Variants in MYH14 observed in about 807,000 individuals in gnomAD.
The protein encoded by MYH14 is myosin-14.
Under a neutral mutation model 255.5 loss-of-function variants are expected in MYH14, and 123 were observed. The observed-to-expected ratio is 0.48, with a 90% CI of 0.42 to 0.56. MYH14 has a LOEUF of 0.56. MYH14 is among the 20% of genes least tolerant of loss of function. MYH14 has a pLI of 0.00. For synonymous variants in MYH14, 1,095 were observed against 1,161.2 expected, an observed-to-expected ratio of 0.94 and a Z score of 1.16; for missense variants, 2,423 against 2,802.3, an observed-to-expected ratio of 0.86 and a Z score of 3.06.
At chr19:50,248,059 C>CAA (rs10588130) in intron 12 of MYH14, among the ~76,000 whole-genome samples, 5 of 106,798 alleles carry the variant, frequency 4.7e-5, no homozygotes, top group African/African-American at 1.8e-4. Context: ...GACTCTGTCT[C>CAA]AAAAAAAAAA....
intron 19 of MYH14, 88 bp from the exon 20 acceptor site, chr19:50,260,558 A>T: frequency 1.2e-6 from 1 of 841,114 alleles, no homozygotes; most frequent in Non-Finnish European, 2.0e-6. Context: ...GCTGTGTGTC[A>T]CTCTGAGCCC....
At chr19:50,224,032 T>TGGG in intron 5 of MYH14, 122 bp from the exon 6 acceptor site, 7 of 610,296 alleles carry the variant, frequency 1.1e-5, no homozygotes, top group East Asian at 3.3e-5. Flanking sequence ...ATGCCCGGTT[T>TGGG]CCCCAGTCCC....
rs1405559062 is a variant in MYH14, at chr19:50,228,753, T to G, written c.875-1772T>G. ...TTTGCCTTCTCTGTCCGCTTCCACCTGCTCACTTTCTCCTGTCCACGCTCC... is the reference window on the plus strand; with the variant it reads ...TTTGCCTTCTCTGTCCGCTTCCACCGGCTCACTTTCTCCTGTCCACGCTCC... On this transcript the variant is annotated intron_variant, in intron 8 of 42. Coordinates refer to ENST00000642316, the MANE Select transcript of MYH14 (RefSeq NM_001145809.2). Among the ~76,000 whole-genome samples the G allele has an allele frequency of 2.0e-5, 3 of 152,344 alleles. No homozygotes were observed. The East Asian group carries it at 5.8e-4, about 29-fold the overall frequency.
At position 50,221,841 on chromosome 19, in the gene MYH14, CCTTT is replaced by C. The variant is rs1478502265; in HGVS notation, c.563-1239_563-1236del. On this transcript the variant is annotated intron_variant, in intron 3 of 42. Transcript: ENST00000642316. This position sits in a 1 kb window ranked among gnomAD's most constrained non-coding sequence, Gnocchi z 5.3. Reference sequence around the variant, plus strand: ...CTGCCCTATCCCCCAACCTCACTGGCCTTTCTGTCTCTCAAACATTTCTAACTCA... The same window carrying C: ...CTGCCCTATCCCCCAACCTCACTGGCCTGTCTCTCAAACATTTCTAACTCA... 3.9e-5 allele frequency among the ~76,000 whole-genome samples: 6 copies of C among 152,148 alleles called. No homozygotes were observed. The highest frequency in any genetic ancestry group is 1.2e-4 in the African/African-American group (5 of 41,440).
At chr19:50,295,913 C>G (rs1228004431) in intron 39 of MYH14, among the ~76,000 whole-genome samples, 1 of 151,896 alleles carries the variant, frequency 6.6e-6, no homozygotes, top group Non-Finnish European at 1.5e-5. Flanking sequence ...GAGTTCAAGA[C>G]CAGCCTGGCC....
intron 10 of MYH14, among the ~76,000 whole-genome samples, chr19:50,235,343 G>A (rs1346300543): frequency 2.7e-5 from 4 of 149,900 alleles, no homozygotes; most frequent in Non-Finnish European, 4.4e-5. Context: ...GGAGCAGAGC[G>A]AGACTCCATC....
rs1422725013 is a variant in MYH14 at position 50,293,240 on chromosome 19, C to T, written c.5264C>T (p.Ala1755Val). 2 of 1,604,076 alleles carry T rather than the reference C, an allele frequency of 1.2e-6. No homozygotes were observed. Among genetic ancestry groups the T allele is most frequent in the East Asian group, 2.2e-5 (1 of 44,456 alleles). Residue 1755 changes from alanine (A) to valine (V), a missense_variant, in exon 38 of 43, where the codon GCC (alanine) becomes GTC (valine). Transcript: ENST00000642316. The surrounding 1 kb of genome is among the most constrained non-coding windows in gnomAD (Gnocchi z 4.1). ...ACCCCTCCATCATCACAGGAACTGGCCGCCTCGGACCGTGCTCGGCGGCAG... is the reference window on the plus strand; with the variant it reads ...ACCCCTCCATCATCACAGGAACTGGTCGCCTCGGACCGTGCTCGGCGGCAG... ...AEVLRLQEELAASDRARRQAQ... is the reference protein window; with the variant it reads ...AEVLRLQEELVASDRARRQAQ...
chr19:50,216,680 G>A lies in MYH14; in HGVS notation c.406-935G>A, dbSNP rs533158217. On this transcript the variant is annotated intron_variant, in intron 2 of 42. Transcript: ENST00000642316. ...TATGTGTCTATTATCAGTAGAAACC[G>A]CAGGTATGTTCCTGTTGCATTTCGG... 1.2e-4 allele frequency among the ~76,000 whole-genome samples: 18 copies of A among 151,774 alleles called. No homozygotes were observed. In the South Asian group the frequency reaches 3.6e-3, roughly 30 times the overall value.
rs1178174786 is a variant in MYH14, at chr19:50,309,188, C to T, written c.5960+11C>T. 1.2e-6 allele frequency: 2 copies of T among 1,613,260 alleles called. No individual in the cohort carries two copies. Among genetic ancestry groups the T allele is most frequent in the South Asian group, 1.1e-5 (1 of 91,076 alleles). Reference sequence around the variant, plus strand: ...GAGGAACCGGCTTCGGTATGGTCATCCCACGTACAGGCCTGACGGGTGGGG... The same window carrying T: ...GAGGAACCGGCTTCGGTATGGTCATTCCACGTACAGGCCTGACGGGTGGGG... On this transcript the variant is annotated intron_variant, in intron 42 of 42. Coordinates refer to ENST00000642316, the MANE Select transcript of MYH14 (RefSeq NM_001145809.2).
At position 50,286,488 on chromosome 19, in the gene MYH14, G is replaced by A; in HGVS notation, c.4546G>A (p.Ala1516Thr). Residue 1516 changes from alanine to threonine, a missense_variant, in exon 34 of 43, where the codon GCA (alanine) becomes ACA (threonine). By Grantham distance (58) the Ala-to-Thr change is moderately conservative. Around this residue, in one of 3 missense-constraint regions of MYH14, gnomAD observed 1,513 missense variants for 1,674.8 expected, o/e 0.90. Transcript: ENST00000642316. ...ATCTCCCTCAAACTGGAAGCTTCTG[G>A]CAGAGGAGAAGGCAGCTGTACTTCG... is the stretch of plus-strand genomic sequence containing the variant. ...KKQRKFDQLLAEEKAAVLRAV... is the reference protein window; with the variant it reads ...KKQRKFDQLLTEEKAAVLRAV... 1 of 1,611,906 alleles carries A rather than the reference G, an allele frequency of 6.2e-7. No individual in the cohort carries two copies. Among genetic ancestry groups the A allele is most frequent in the East Asian group, 2.2e-5 (1 of 44,830 alleles).
At chr19:50,249,485 GTCTCTGGGTCTCTGTCCCCCTC>G (rs376251213) in intron 13 of MYH14, 143 bp from the exon 14 acceptor site, 14 of 713,916 alleles carry the variant, frequency 2.0e-5, no homozygotes, top group African/African-American at 4.4e-5. Context: ...TCTGTCCCCT[GTCTCTGGGTCTCTGTCCCCCTC>G]TCTCTGGGTC....
In MYH14 at chr19:50,218,357, G is replaced by A. The variant is rs540119101; in HGVS notation, c.562+586G>A. 9.9e-5 allele frequency among the ~76,000 whole-genome samples: 15 copies of A among 152,172 alleles called. No individual in the cohort carries two copies. In the South Asian group the frequency reaches 2.9e-3, roughly 30 times the overall value. On this transcript the variant is annotated intron_variant, in intron 3 of 42. Transcript: ENST00000642316. ...CACGCCTGTAATCCCAGCACTTTGG[G>A]AGGCTGAGGCAGGCGGATCACGAGG...
chr19:50,289,685 G>T, intron 35 of MYH14, 37 bp downstream of exon 35: 1 of 1,557,054 alleles, frequency 6.4e-7, no homozygotes, highest in Non-Finnish European at 8.7e-7. Flanking sequence ...TGCCAGTCCA[G>T]CTGGGGTATG....
Position 50,292,242 on chromosome 19 carries a change from C to G in MYH14, c.5128-19C>G. The stretch of plus-strand genomic sequence containing the variant: ...TGTGTGGCCAGGCTGAGCCCATCTA[C>G]CTATTCCGTTCCACCCAGGCCCAGA... On this transcript the variant is annotated intron_variant, in intron 36 of 42. Coordinates refer to ENST00000642316, the MANE Select transcript of MYH14 (RefSeq NM_001145809.2). 1 of 1,595,380 alleles carries G rather than the reference C, an allele frequency of 6.3e-7. No homozygotes were observed. The highest frequency in any genetic ancestry group is 8.5e-7 in the Non-Finnish European group (1 of 1,171,582).
At chr19:50,302,113 TAAA>T (rs765650409) in intron 40 of MYH14, among the ~76,000 whole-genome samples, 24 of 54,628 alleles carry the variant, frequency 4.4e-4, no homozygotes, top group Middle Eastern at 0.013. Flanking sequence ...ACCTCATCTC[TAAA>T]AAAAAAAAAA....
In MYH14 at chr19:50,206,033, A is replaced by C. The variant is rs146114394; in HGVS notation, c.-4+2362A>C. 6.5e-3 allele frequency among the ~76,000 whole-genome samples: 994 copies of C among 152,252 alleles called. 5 individuals carry two copies. The highest frequency in any genetic ancestry group is 0.01 in the Non-Finnish European group (696 of 68,002). ...CCAGGTGACAGTAATTAGCCCTGGCAGAGTGTTCCTGCTGGTTGAGGAAGG... is the reference window on the plus strand; with the variant it reads ...CCAGGTGACAGTAATTAGCCCTGGCCGAGTGTTCCTGCTGGTTGAGGAAGG... On this transcript the variant is annotated intron_variant, in intron 1 of 42. Coordinates refer to ENST00000642316, the MANE Select transcript of MYH14 (RefSeq NM_001145809.2).
intron 39 of MYH14, among the ~76,000 whole-genome samples, chr19:50,295,766 T>A (rs1463600652): frequency 6.6e-6 from 1 of 152,104 alleles, no homozygotes; most frequent in Non-Finnish European, 1.5e-5. Context: ...CACTCCAGCC[T>A]GGGCAACATA....
chr19:50,240,828 C>CA (rs978259124), intron 10 of MYH14, among the ~76,000 whole-genome samples: 2 of 151,608 alleles, frequency 1.3e-5, no homozygotes, highest in African/African-American at 2.4e-5. Flanking sequence ...CAAAAAAACC[C>CA]AAAAAAACAA....
chr19:50,272,078 T>A (rs2035324271), intron 26 of MYH14, 106 bp downstream of exon 26: 1 of 1,471,836 alleles, frequency 6.8e-7, no homozygotes, highest in South Asian at 1.3e-5. Context: ...CTAAATGGGA[T>A]AGGAAGGAAG....
Sources: gnomAD v4.1 joint callset for allele counts (sites outside exome capture counted in the v4.1 genomes callset) on GRCh38, gnomAD v4.1.1 for gene constraint, gnomAD v4.1.1 regional missense constraint, Gnocchi (gnomAD v3.1) non-coding constraint, MANE v1.5 for transcripts, NCBI Gene and HGNC (gene_info 2026-07-23, HGNC 2026-07-21) for gene names.